Variants in SERGEF observed in about 807,000 individuals in gnomAD.
SERGEF encodes secretion regulating guanine nucleotide exchange factor.
In SERGEF, 51 loss-of-function variants were observed where a neutral mutation model predicts 50.0. The ratio of observed to expected loss-of-function variants is 1.02; its 90% CI spans 0.81 to 1.29. The LOEUF is 1.29. SERGEF is among the 50% of genes most tolerant of loss of function. The probability of loss-of-function intolerance (pLI) is 0.00; values close to 1 mark genes in which losing one functional copy is unlikely to be tolerated. For synonymous variants in SERGEF, 205 were observed against 212.4 expected (o/e 0.97, Z 0.30); for missense variants, 521 against 557.0 (o/e 0.94, Z 0.65).
chr11:17,864,306 G>A (rs1850982676), intron 10 of SERGEF, among the ~76,000 whole-genome samples: 1 of 152,156 alleles, frequency 6.6e-6, no homozygotes, highest in Non-Finnish European at 1.5e-5. Context: ...GCAAGTATGG[G>A]AGCCTCCTCA....
Position 17,847,674 on chromosome 11 carries a change from G to A in SERGEF, c.1048+30534C>T, listed in dbSNP as rs73426221. On this transcript the variant is annotated intron_variant, in intron 10 of 10. Transcript: ENST00000265965. ...TCCAGCTAAAGCCTCTCATAGCAGGGGGAGCAAGGGACAGAAGGCCAATCA... is the reference window on the plus strand; with the variant it reads ...TCCAGCTAAAGCCTCTCATAGCAGGAGGAGCAAGGGACAGAAGGCCAATCA... Among the ~76,000 whole-genome samples the A allele has an allele frequency of 2.9e-3, 435 of 152,282 alleles. 2 individuals are homozygous for A. The highest frequency in any genetic ancestry group is 0.01 in the African/African-American group (421 of 41,548).
intron 10 of SERGEF, among the ~76,000 whole-genome samples, chr11:17,821,443 C>G (rs1850080372): frequency 6.6e-6 from 1 of 152,208 alleles, no homozygotes; most frequent in South Asian, 2.1e-4. Context: ...GGAACCTTAT[C>G]TAACTTGGTC....
intron 9 of SERGEF, among the ~76,000 whole-genome samples, chr11:17,890,267 G>C (rs1851508851): frequency 6.6e-6 from 1 of 152,152 alleles, no homozygotes; most frequent in South Asian, 2.1e-4. Flanking sequence ...GAGCAAGTAA[G>C]TAAATGTATT....
chr11:17,885,611 A>G (rs1043314842), intron 9 of SERGEF, among the ~76,000 whole-genome samples: 3 of 151,898 alleles, frequency 2.0e-5, no homozygotes, highest in Non-Finnish European at 4.4e-5. Context: ...GGCATGACCC[A>G]CCGTACATGC....
intron 10 of SERGEF, chr11:17,855,048 G>A (rs1475457129): frequency 6.6e-6 from 1 of 152,132 alleles, no homozygotes; most frequent in Non-Finnish European, 1.5e-5. Flanking sequence ...TTTCTTTCAT[G>A]GACTTAGTGT....
rs1182560319 is a variant in SERGEF, at chr11:17,977,899, AG to A, written c.844+10697del. On this transcript the variant is annotated intron_variant, in intron 8 of 10. Transcript: ENST00000265965. ...CCCAGCCTCCAGAACTGTAAGACAT[AG>A]GTTTCTATTGTTTATAAGCCACCCA... Among the ~76,000 whole-genome samples the A allele has an allele frequency of 7.2e-5, 11 of 152,332 alleles. No individual in the cohort carries two copies. The East Asian group carries it at 1.5e-3, about 21-fold the overall frequency.
chr11:17,850,930 C>G (rs1850699369), intron 10 of SERGEF, among the ~76,000 whole-genome samples: 1 of 152,132 alleles, frequency 6.6e-6, no homozygotes, highest in African/African-American at 2.4e-5. Flanking sequence ...GTTAGGAGAC[C>G]TGGCTGAGGT....
intron 3 of SERGEF, 30 bp downstream of exon 3, chr11:18,006,561 T>C: frequency 6.2e-7 from 1 of 1,602,140 alleles, no homozygotes; most frequent in Middle Eastern, 1.7e-4. Flanking sequence ...GCCTTTGTGG[T>C]GACAAAAATC....
chr11:17,998,342 A>G (rs946290201), intron 5 of SERGEF, among the ~76,000 whole-genome samples: 6 of 151,168 alleles, frequency 4.0e-5, no homozygotes, highest in Non-Finnish European at 7.4e-5. Context: ...GCTTGAGCCC[A>G]GAAGTTTGAG....
chr11:17,813,865 C>G (rs1429078062), intron 10 of SERGEF, among the ~76,000 whole-genome samples: 3 of 152,226 alleles, frequency 2.0e-5, no homozygotes, highest in Non-Finnish European at 4.4e-5. Flanking sequence ...AATGGAAAAC[C>G]ACTAAAGCTA....
chr11:17,995,944 T>A (rs200002614), intron 5 of SERGEF, 35 bp from the exon 6 acceptor site: 1 of 1,453,806 alleles, frequency 6.9e-7, no homozygotes, highest in African/African-American at 1.4e-5. Context: ...GCAGAGAAGA[T>A]GCACATCAGG....
chr11:17,971,231 C>CA (rs772235411), intron 8 of SERGEF, among the ~76,000 whole-genome samples: 126 of 151,962 alleles, frequency 8.3e-4, no homozygotes, highest in Non-Finnish European at 1.6e-3. Context: ...AAGCTGTTTC[C>CA]AAAAAAGTGC....
intron 10 of SERGEF, among the ~76,000 whole-genome samples, chr11:17,850,255 C>A (rs1850688293): frequency 6.6e-6 from 1 of 152,108 alleles, no homozygotes; most frequent in African/African-American, 2.4e-5. Flanking sequence ...CACTGGGGAC[C>A]AAGTTTCTAA....
intron 8 of SERGEF, among the ~76,000 whole-genome samples, chr11:17,963,528 C>G (rs1853059739): frequency 6.6e-6 from 1 of 151,970 alleles, no homozygotes; most frequent in South Asian, 2.1e-4. Flanking sequence ...GCTGGGAGTA[C>G]AGTCATGCAC....
At chr11:17,849,363 C>T (rs558479634) in intron 10 of SERGEF, among the ~76,000 whole-genome samples, 67 of 152,284 alleles carry the variant, frequency 4.4e-4, no homozygotes, top group African/African-American at 1.1e-3. Flanking sequence ...AAGAGTCATA[C>T]GTGATACTTA....
At chr11:17,878,845 A>T (rs1851288202) in intron 9 of SERGEF, among the ~76,000 whole-genome samples, 1 of 152,196 alleles carries the variant, frequency 6.6e-6, no homozygotes. Flanking sequence ...CCTCTACTGC[A>T]TACCTAAAAA....
At chr11:17,791,425 G>T (rs1304476136) in intron 10 of SERGEF, among the ~76,000 whole-genome samples, 1 of 152,296 alleles carries the variant, frequency 6.6e-6, no homozygotes, top group East Asian at 1.9e-4. Context: ...CTCTAGGACT[G>T]CAAGTTTTTA....
chr11:18,004,953 G>C (rs146063295), intron 3 of SERGEF, among the ~76,000 whole-genome samples: 9 of 152,220 alleles, frequency 5.9e-5, no homozygotes, highest in Admixed American at 5.9e-4. Flanking sequence ...AGATGGGACA[G>C]GACATGTGTG....
At chr11:17,793,436 C>A (rs1849518390) in intron 10 of SERGEF, among the ~76,000 whole-genome samples, 2 of 152,202 alleles carry the variant, frequency 1.3e-5, no homozygotes, top group Non-Finnish European at 2.9e-5. Flanking sequence ...AGGTTTCATT[C>A]ACCCCCTAAC....
Sources: allele counts gnomAD v4.1 joint callset (sites outside exome capture counted in the v4.1 genomes callset), GRCh38; gene constraint gnomAD v4.1.1; transcripts MANE v1.5; gene names NCBI Gene and HGNC (gene_info 2026-07-23, HGNC 2026-07-21).